The following LGR5 variants were observed in gnomAD, a reference collection of about 807,000 sequenced individuals.
LGR5 encodes leucine rich repeat containing G protein-coupled receptor 5, also known as leucine-rich repeat-containing G protein-coupled receptor 5.
A neutral mutation model predicts 76.7 loss-of-function variants in LGR5; 54 were observed. The ratio of observed to expected loss-of-function variants is 0.70; its 90% confidence interval spans 0.57 to 0.88. The LOEUF (loss-of-function observed/expected upper bound fraction) is 0.88. LGR5 is among the 40% of genes least tolerant of loss of function. The pLI is 0.00. For missense variants in LGR5, 1,078 were observed against 1,073.3 expected, an observed-to-expected ratio of 1.00 and a Z score of -0.06; for synonymous variants, 406 against 421.9, an observed-to-expected ratio of 0.96 and a Z score of 0.46.
Position 71,440,370 on chromosome 12 carries a change from C to T in LGR5, c.212+78C>T. The T allele has an allele frequency of 7.1e-7, 1 of 1,404,322 alleles. No individual in the cohort carries two copies. The allele number at this position is 1,404,322 out of a possible 1,614,324, so 87.0% of individuals were successfully genotyped here. ...TTCGTCCAAGGCGAGGCTGGAGGCT[C>T]CTCGGCGCCCGCCTGCTCGTGGGGG... On this transcript the variant is annotated intron_variant, in intron 1 of 17. Coordinates refer to ENST00000266674, the MANE Select transcript of LGR5 (RefSeq NM_003667.4). This position sits in a 1 kb window ranked among gnomAD's most constrained non-coding sequence, Gnocchi z 5.3.
chr12:71,558,904 A>G (rs1877914825), intron 6 of LGR5, among the ~76,000 whole-genome samples: 3 of 152,234 alleles, frequency 2.0e-5, no homozygotes. Context: ...ATTTGAGATA[A>G]TTTGACCACT....
intron 1 of LGR5, among the ~76,000 whole-genome samples, chr12:71,458,600 A>C (rs2137222807): frequency 6.6e-6 from 1 of 152,274 alleles, no homozygotes; most frequent in South Asian, 2.1e-4. Context: ...GCTAGTTTTT[A>C]TAAAGTCTAG....
chr12:71,497,556 A>T (rs982684179), intron 1 of LGR5, among the ~76,000 whole-genome samples: 8 of 152,212 alleles, frequency 5.3e-5, no homozygotes, highest in African/African-American at 1.9e-4. Flanking sequence ...TATTCATACT[A>T]TAATAAAATG....
intron 1 of LGR5, among the ~76,000 whole-genome samples, chr12:71,482,355 G>A (rs947627406): frequency 6.6e-6 from 1 of 152,150 alleles, no homozygotes; most frequent in African/African-American, 2.4e-5. Context: ...GGTGTTGGCA[G>A]GGTTAGTTTC....
chr12:71,492,773 G>A (rs1033022496), intron 1 of LGR5, among the ~76,000 whole-genome samples: 4 of 152,028 alleles, frequency 2.6e-5, no homozygotes, highest in Non-Finnish European at 5.9e-5. Context: ...CTTTGTTCAG[G>A]ACCTCTTGAT....
chr12:71,558,584 C>T (rs1877897067), intron 6 of LGR5, among the ~76,000 whole-genome samples: 1 of 152,184 alleles, frequency 6.6e-6, no homozygotes. Context: ...ACATGCATTT[C>T]CTGCCTGCAG....
intron 1 of LGR5, among the ~76,000 whole-genome samples, chr12:71,454,092 CT>C (rs1422527996): frequency 6.6e-6 from 1 of 152,070 alleles, no homozygotes; most frequent in Non-Finnish European, 1.5e-5. Context: ...AGCAGACAGT[CT>C]TTTAATCCTA....
chr12:71,483,553 T>C (rs938316022), intron 1 of LGR5, among the ~76,000 whole-genome samples: 1 of 152,070 alleles, frequency 6.6e-6, no homozygotes, highest in Non-Finnish European at 1.5e-5. Context: ...AGCAAAAAAG[T>C]GGAAATTAGA....
At chr12:71,449,065 T>C (rs1044513262) in intron 1 of LGR5, among the ~76,000 whole-genome samples, 1 of 152,218 alleles carries the variant, frequency 6.6e-6, no homozygotes, top group Non-Finnish European at 1.5e-5. Flanking sequence ...TGGACTCCAC[T>C]AGACACCTGT....
intron 1 of LGR5, among the ~76,000 whole-genome samples, chr12:71,460,274 C>T (rs546273876): frequency 1.3e-5 from 2 of 152,004 alleles, no homozygotes; most frequent in African/African-American, 2.4e-5. Context: ...GAGAGAAATA[C>T]AAAAAGGATC....
At chr12:71,565,396 T>C (rs1029358412) in intron 8 of LGR5, among the ~76,000 whole-genome samples, 1 of 145,254 alleles carries the variant, frequency 6.9e-6, no homozygotes, top group Non-Finnish European at 1.5e-5. Context: ...ATGAATCTCA[T>C]AAAGTTGTTG....
intron 5 of LGR5, among the ~76,000 whole-genome samples, chr12:71,555,890 C>A (rs1283074258): frequency 1.3e-5 from 2 of 152,132 alleles, no homozygotes; most frequent in Non-Finnish European, 2.9e-5. Context: ...TTCACTGCAG[C>A]CCTATTCACA....
intron 4 of LGR5, among the ~76,000 whole-genome samples, chr12:71,535,750 C>T (rs951464339): frequency 6.6e-6 from 1 of 152,136 alleles, no homozygotes; most frequent in Non-Finnish European, 1.5e-5. Context: ...TAAACAATCC[C>T]ACAGATACAA....
intron 1 of LGR5, among the ~76,000 whole-genome samples, chr12:71,443,684 A>G (rs1165942063): frequency 6.6e-6 from 1 of 152,158 alleles, no homozygotes; most frequent in Non-Finnish European, 1.5e-5. Flanking sequence ...CTTAAAAGTA[A>G]ACTCCTCTCT....
At chr12:71,582,568 G>A (rs367738671) in intron 17 of LGR5, 29 bp downstream of exon 17, 24 of 1,498,764 alleles carry the variant, frequency 1.6e-5, no homozygotes, top group Middle Eastern at 1.7e-4. Context: ...ATTCCTCAAC[G>A]GCAGTATCCA....
At chr12:71,579,284 T>C (rs1287261563) in intron 15 of LGR5, among the ~76,000 whole-genome samples, 1 of 152,240 alleles carries the variant, frequency 6.6e-6, no homozygotes, top group Non-Finnish European at 1.5e-5. Context: ...AGCTTGTATG[T>C]ACCTAATAAA....
At chr12:71,466,328 G>A (rs1159254433) in intron 1 of LGR5, among the ~76,000 whole-genome samples, 2 of 152,152 alleles carry the variant, frequency 1.3e-5, no homozygotes, top group Non-Finnish European at 2.9e-5. Context: ...TTTCATTTTA[G>A]CAAAGATTTT....
At chr12:71,508,144 CT>C (rs1333480047) in intron 2 of LGR5, among the ~76,000 whole-genome samples, 1 of 151,884 alleles carries the variant, frequency 6.6e-6, no homozygotes, top group Non-Finnish European at 1.5e-5. Context: ...AAGGGAATCG[CT>C]TGAACCCAGG....
rs1879244787 is a variant in LGR5 at position 71,584,621 on chromosome 12, T to C, written c.2611T>C (p.Phe871Leu). Residue 871 changes from phenylalanine (F) to leucine (L), a missense_variant, in exon 18 of 18, where the codon TTT (phenylalanine) becomes CTT (leucine). Physicochemically the swap from Phe to Leu is conservative, Grantham distance 22. Transcript: ENST00000266674. The stretch of plus-strand genomic sequence containing the variant: ...TGACTCAACTCAAGCCTTGGTAACC[T>C]TTACCAGCTCCAGCATCACTTATGA... ...SCDSTQALVT[F>L]TSSSITYDLP... 2 of 1,614,156 alleles carry C rather than the reference T, an allele frequency of 1.2e-6. No individual in the cohort carries two copies. The highest frequency in any genetic ancestry group is 2.2e-5 in the South Asian group (2 of 91,078).
Sources: gnomAD v4.1 joint callset for allele counts (sites outside exome capture counted in the v4.1 genomes callset) on GRCh38, gnomAD v4.1.1 for gene constraint, Gnocchi (gnomAD v3.1) non-coding constraint, MANE v1.5 for transcripts, NCBI Gene and HGNC (gene_info 2026-07-23, HGNC 2026-07-21) for gene names.